The following KIF13A variants were observed in gnomAD, a reference collection of about 807,000 sequenced individuals.
KIF13A encodes kinesin family member 13A.
A neutral mutation model predicts 212.2 loss-of-function variants in KIF13A; 79 were observed. The observed-to-expected ratio is 0.37, with a 90% CI of 0.31 to 0.45. The LOEUF (loss-of-function observed/expected upper bound fraction) is 0.45, where lower values mean the gene tolerates loss of function less well. Ranked by LOEUF, KIF13A falls within the 20% of genes least tolerant of loss-of-function variation. KIF13A has a pLI of 1.00. For missense variants in KIF13A, 1,901 were observed against 2,209.0 expected, an observed-to-expected ratio of 0.86 and a Z score of 2.79; for synonymous variants, 789 against 808.6, an observed-to-expected ratio of 0.98 and a Z score of 0.41.
chr6:17,794,797 G>C lies in KIF13A; in HGVS notation c.2943-93C>G. On this transcript the variant is annotated intron_variant, in intron 23 of 38. Coordinates refer to ENST00000259711, the MANE Select transcript of KIF13A (RefSeq NM_022113.6). This position sits in a 1 kb window ranked among gnomAD's most constrained non-coding sequence, Gnocchi z 4.1. ...CCACCATTCACTGAGCACTTACTAT[G>C]TGCTAGGCACTGTGCCATTTATCTT... The C allele has an allele frequency of 7.6e-7, 1 of 1,320,924 alleles. No homozygotes were observed. The highest frequency in any genetic ancestry group is 1.0e-6 in the Non-Finnish European group (1 of 963,532). 81.8% of individuals were successfully genotyped at this position (1,320,924 alleles called of 1,614,324 possible). A position where few individuals can be genotyped will look rare whatever the true frequency, so the allele number is the denominator to read the frequency against.
chr6:17,928,787 A>G (rs990042636), intron 2 of KIF13A, among the ~76,000 whole-genome samples: 1 of 152,182 alleles, frequency 6.6e-6, no homozygotes, highest in Non-Finnish European at 1.5e-5. Flanking sequence ...AAAGATGTTC[A>G]CAGAAAACAC....
intron 3 of KIF13A, among the ~76,000 whole-genome samples, chr6:17,875,239 T>C (rs1770440553): frequency 6.6e-6 from 1 of 152,136 alleles, no homozygotes; most frequent in Non-Finnish European, 1.5e-5. Context: ...CTGTTTTCCA[T>C]AGTGGTTGTA....
intron 2 of KIF13A, among the ~76,000 whole-genome samples, chr6:17,917,932 G>A (rs1774690231): frequency 1.3e-5 from 2 of 151,832 alleles, no homozygotes; most frequent in Admixed American, 1.3e-4. Context: ...TCAAGCTACT[G>A]CCCCCTCTGC....
chr6:17,906,158 T>C (rs1469535747), intron 2 of KIF13A, among the ~76,000 whole-genome samples: 1 of 152,132 alleles, frequency 6.6e-6, no homozygotes, highest in Non-Finnish European at 1.5e-5. Context: ...CTACAATCAC[T>C]ACAGTAAAAT....
In KIF13A at chr6:17,826,702, C is replaced by T. The variant is rs772656465; in HGVS notation, c.1533-578G>A. On this transcript the variant is annotated intron_variant, in intron 14 of 38. Transcript: ENST00000259711. This position sits in a 1 kb window ranked among gnomAD's most constrained non-coding sequence, Gnocchi z 4.7. ...TAGGATCTTATCTGGATCCTAATTT[C>T]AAGAAACAACTGAAAAAGAAAACTG... Among the ~76,000 whole-genome samples the T allele has an allele frequency of 1.3e-5, 2 of 152,016 alleles. No homozygotes were observed. The highest frequency in any genetic ancestry group is 2.9e-5 in the Non-Finnish European group (2 of 68,010).
At chr6:17,946,493 T>A (rs1329555462) in intron 2 of KIF13A, among the ~76,000 whole-genome samples, 1 of 151,332 alleles carries the variant, frequency 6.6e-6, no homozygotes, top group Non-Finnish European at 1.5e-5. Flanking sequence ...CAGGTGCTTT[T>A]CAAAAGAAAA....
rs531794711 is a variant in KIF13A, at chr6:17,926,118, G to C, written c.147-27938C>G. 2.0e-5 allele frequency among the ~76,000 whole-genome samples: 3 copies of C among 152,126 alleles called. No individual in the cohort carries two copies. The highest frequency in any genetic ancestry group is 7.2e-5 in the African/African-American group (3 of 41,474). ...TAATTAAAGTAGTCATCATGTCCAC[G>C]GTCCTACTAATTCTGAAAAGAAATG... On this transcript the variant is annotated intron_variant, in intron 2 of 38. Coordinates refer to ENST00000259711, the MANE Select transcript of KIF13A (RefSeq NM_022113.6). The surrounding 1 kb of genome is among the most constrained non-coding windows in gnomAD (Gnocchi z 4.3).
intron 6 of KIF13A, among the ~76,000 whole-genome samples, chr6:17,854,555 T>TTC (rs1476676759): frequency 1.6e-5 from 2 of 128,662 alleles, no homozygotes; most frequent in Non-Finnish European, 3.3e-5. Context: ...AATTTTTTTT[T>TTC]TTTTTTTTTT....
intron 2 of KIF13A, among the ~76,000 whole-genome samples, chr6:17,943,393 AAC>A (rs2150558674): frequency 6.8e-6 from 1 of 146,532 alleles, no homozygotes; most frequent in East Asian, 2.0e-4. Flanking sequence ...AGTTTGGTAA[AAC>A]ACAGATTTTT....
In KIF13A at chr6:17,856,208, CA is replaced by C. The variant is rs1206129851; in HGVS notation, c.221-87del. On this transcript the variant is annotated intron_variant, in intron 4 of 38. Transcript: ENST00000259711. The surrounding 1 kb of genome is among the most constrained non-coding windows in gnomAD (Gnocchi z 4.5). ...TGTTAGTAACAATATTATGTCAATT[CA>C]AAAAAATGTTAAAAGTGTAGTACCG... 33 of 938,730 alleles carry C rather than the reference CA, an allele frequency of 3.5e-5. No homozygotes were observed. Among genetic ancestry groups the C allele is most frequent in the Admixed American group, 2.2e-5 (1 of 44,876 alleles). The allele number at this position is 938,730 out of a possible 1,614,324, so 58.2% of individuals were successfully genotyped here.
chr6:17,935,964 G>GT (rs953655703), intron 2 of KIF13A, among the ~76,000 whole-genome samples: 23 of 152,016 alleles, frequency 1.5e-4, no homozygotes, highest in Non-Finnish European at 2.9e-4. Context: ...GTGCACAGAG[G>GT]TTTTTTTTCT....
In KIF13A at chr6:17,951,596, T is replaced by A. The variant is rs774902546; in HGVS notation, c.146+35458A>T. ...AATACCCCCCTCAAAAAATGCCATATCCATCGGCAGTCACTCTCCATTTCC... is the reference window on the plus strand; with the variant it reads ...AATACCCCCCTCAAAAAATGCCATAACCATCGGCAGTCACTCTCCATTTCC... On this transcript the variant is annotated intron_variant, in intron 2 of 38. Coordinates refer to ENST00000259711, the MANE Select transcript of KIF13A (RefSeq NM_022113.6). The surrounding 1 kb of genome is among the most constrained non-coding windows in gnomAD (Gnocchi z 4.9). Among the ~76,000 whole-genome samples the A allele has an allele frequency of 3.5e-4, 53 of 151,474 alleles. No individual in the cohort carries two copies. Among genetic ancestry groups the A allele is most frequent in the Non-Finnish European group, 5.9e-4 (40 of 67,812 alleles).
rs1771710141 is a variant in KIF13A at position 17,888,018 on chromosome 6, T to G, written c.159+10150A>C. Among the ~76,000 whole-genome samples, 1 of 152,000 alleles carries G rather than the reference T, an allele frequency of 6.6e-6. No individual in the cohort carries two copies. Among genetic ancestry groups the G allele is most frequent in the African/African-American group, 2.4e-5 (1 of 41,384 alleles). ...ACTGGGCCCAGCCCCTGCATCTTGA[T>G]TCTTATCCTAAATTTCTGCACTTTG... On this transcript the variant is annotated intron_variant, in intron 3 of 38. Transcript: ENST00000259711. The surrounding 1 kb of genome is among the most constrained non-coding windows in gnomAD (Gnocchi z 4.8).
chr6:17,802,350 G>A (rs996716146), intron 20 of KIF13A, among the ~76,000 whole-genome samples: 5 of 150,172 alleles, frequency 3.3e-5, no homozygotes, highest in African/African-American at 9.8e-5. Context: ...GGAGTGCAAT[G>A]GCGCGATCTC....
At chr6:17,879,374 T>C (rs552506711) in intron 3 of KIF13A, among the ~76,000 whole-genome samples, 2 of 152,030 alleles carry the variant, frequency 1.3e-5, no homozygotes, top group Admixed American at 6.6e-5. Context: ...GGGGAAGGAG[T>C]TGGAACACAG....
chr6:17,804,325 A>C (rs1373770828), intron 20 of KIF13A, 36 bp downstream of exon 20: 1 of 1,462,492 alleles, frequency 6.8e-7, no homozygotes. Flanking sequence ...AAAAAACTTG[A>C]ACCACCATCG....
chr6:17,859,646 T>A lies in KIF13A; in HGVS notation c.221-3524A>T, dbSNP rs1436658756. On this transcript the variant is annotated intron_variant, in intron 4 of 38. Transcript: ENST00000259711. ...TATATATATATATATATATTTTTTTTTTTTTTTTGAGACGAGTCTTGCCCT... is the reference window on the plus strand; with the variant it reads ...TATATATATATATATATATTTTTTTATTTTTTTTGAGACGAGTCTTGCCCT... Among the ~76,000 whole-genome samples, 262 of 133,716 alleles carry A rather than the reference T, an allele frequency of 2.0e-3. 8 individuals are homozygous for A. Among genetic ancestry groups the A allele is most frequent in the East Asian group, 0.017 (87 of 5,026 alleles). 87.7% of individuals were successfully genotyped at this position (133,716 alleles called of 152,430 possible).
Position 17,898,510 on chromosome 6 carries a change from C to A in KIF13A, c.147-330G>T, listed in dbSNP as rs891331079. ...AAGAGCATCAAGATAAAGAAAGATGCCACAATCCTTACTGCATGTGATTAA... is the reference window on the plus strand; with the variant it reads ...AAGAGCATCAAGATAAAGAAAGATGACACAATCCTTACTGCATGTGATTAA... On this transcript the variant is annotated intron_variant, in intron 2 of 38. Coordinates refer to ENST00000259711, the MANE Select transcript of KIF13A (RefSeq NM_022113.6). This position sits in a 1 kb window ranked among gnomAD's most constrained non-coding sequence, Gnocchi z 5.2. Among the ~76,000 whole-genome samples the A allele has an allele frequency of 1.3e-5, 2 of 151,996 alleles. No homozygotes were observed. The highest frequency in any genetic ancestry group is 1.5e-5 in the Non-Finnish European group (1 of 67,994).
rs1772778226 is a variant in KIF13A, at chr6:17,898,526, A to C, written c.147-346T>G. 6.6e-6 allele frequency among the ~76,000 whole-genome samples: 1 copy of C among 152,194 alleles called. No homozygotes were observed. The highest frequency in any genetic ancestry group is 2.1e-4 in the South Asian group (1 of 4,830). ...AGAAAGATGCCACAATCCTTACTGCATGTGATTAAATATTTTTAAATCAAT... is the reference window on the plus strand; with the variant it reads ...AGAAAGATGCCACAATCCTTACTGCCTGTGATTAAATATTTTTAAATCAAT... On this transcript the variant is annotated intron_variant, in intron 2 of 38. Transcript: ENST00000259711. The surrounding 1 kb of genome is among the most constrained non-coding windows in gnomAD (Gnocchi z 5.2).
Sources: allele counts gnomAD v4.1 joint callset (sites outside exome capture counted in the v4.1 genomes callset), GRCh38; gene constraint gnomAD v4.1.1; non-coding constraint Gnocchi (gnomAD v3.1); transcripts MANE v1.5; gene names NCBI Gene and HGNC (gene_info 2026-07-23, HGNC 2026-07-21).